PRSS58: variants seen among roughly 807,000 people sequenced by gnomAD.
PRSS58 encodes the protein serine protease 58.
Under a neutral mutation model 25.0 loss-of-function variants are expected in PRSS58, and 31 were observed. The observed-to-expected ratio is 1.24, with a 90% CI of 0.93 to 1.67. The LOEUF (loss-of-function observed/expected upper bound fraction) is 1.67. Ranked by LOEUF, PRSS58 falls within the 40% of genes most tolerant of loss-of-function variation. The pLI, the probability that PRSS58 is intolerant of heterozygous loss-of-function variation, is 0.00. For missense variants in PRSS58, 324 were observed against 287.9 expected (o/e 1.13, Z -0.91); for synonymous variants, 119 against 106.1 (o/e 1.12, Z -0.75).
chr7:142,255,041 T>G lies in PRSS58; in HGVS notation c.436+14A>C. The G allele has an allele frequency of 6.2e-7, 1 of 1,612,206 alleles. No individual in the cohort carries two copies. The highest frequency in any genetic ancestry group is 8.5e-7 in the Non-Finnish European group (1 of 1,178,642). ...ATGTCTAATTCTGAGAGAAGAACAT[T>G]GTCTTGAACTCACAGATATCACACA... On this transcript the variant is annotated intron_variant, in intron 4 of 5. Coordinates refer to ENST00000547058, the MANE Select transcript of PRSS58 (RefSeq NM_001001317.5).
At chr7:142,256,827 G>A (rs556310391) in intron 2 of PRSS58, among the ~76,000 whole-genome samples, 6 of 152,228 alleles carry the variant, frequency 3.9e-5, no homozygotes, top group South Asian at 2.1e-4. Flanking sequence ...ACATGAAAAC[G>A]GGGGAAGTTG....
chr7:142,255,245 A>C lies in PRSS58; in HGVS notation c.246T>G (p.Ile82Met). The change falls in exon 4 of 6, where the codon ATT (isoleucine) becomes ATG (methionine). Residue 82 changes from isoleucine to methionine, a missense_variant. Physicochemically the swap from Ile to Met is conservative, Grantham distance 10. Coordinates refer to ENST00000547058, the MANE Select transcript of PRSS58 (RefSeq NM_001001317.5). ...ADSNEKHLQV[I>M]GYEKMIHHPH... ...GATGATGAATCATCTTCTCATAGCC[A>C]ATCACTTGCAGATGCTTTTCATTAG... 6.2e-7 allele frequency: 1 copy of C among 1,613,912 alleles called. No individual in the cohort carries two copies. Among genetic ancestry groups the C allele is most frequent in the South Asian group, 1.1e-5 (1 of 91,078 alleles).
chr7:142,255,133 C>A lies in PRSS58; in HGVS notation c.358G>T (p.Ala120Ser). The change falls in exon 4 of 6, where the codon GCC becomes TCC. Residue 120 changes from alanine (A) to serine (S), a missense_variant. Transcript: ENST00000547058. ...EAELNDYVKL[A>S]NLPYQTISEN... is the part of the protein sequence containing the mutation. Reference sequence around the variant, plus strand: ...GAGATAGTTTGGTAGGGCAGGTTGGCTAATTTCACATAGTCATTGAGTTCA... The same window carrying A: ...GAGATAGTTTGGTAGGGCAGGTTGGATAATTTCACATAGTCATTGAGTTCA... 1 of 1,614,040 alleles carries A rather than the reference C, an allele frequency of 6.2e-7. No homozygotes were observed. Among genetic ancestry groups the A allele is most frequent in the Non-Finnish European group, 8.5e-7 (1 of 1,179,976 alleles).
In PRSS58 at chr7:142,252,551, C is replaced by CG; in HGVS notation, c.496dup (p.Arg166ProfsTer5). The CG allele has an allele frequency of 6.2e-7, 1 of 1,614,132 alleles. No homozygotes were observed. The highest frequency in any genetic ancestry group is 8.5e-7 in the Non-Finnish European group (1 of 1,180,010). ...GATGTTGTAGGTTTTATAGGCATCGCGACACTGAGGCTTGGAGATTACAGA... is the reference window on the plus strand; with the variant it reads ...GATGTTGTAGGTTTTATAGGCATCGCGGACACTGAGGCTTGGAGATTACAGA... On this transcript the variant is annotated frameshift_variant, in exon 5 of 6. Coordinates refer to ENST00000547058, the MANE Select transcript of PRSS58 (RefSeq NM_001001317.5). LOFTEE classifies it high-confidence loss of function.
chr7:142,253,553 C>T (rs150497020), intron 4 of PRSS58, among the ~76,000 whole-genome samples: 9 of 152,120 alleles, frequency 5.9e-5, no homozygotes, highest in Admixed American at 2.6e-4. Context: ...TTTCCACGGA[C>T]ATTTCTTTGG....
chr7:142,252,386 T>A lies in PRSS58; in HGVS notation c.577-16A>T. ...CAGAAACTTCCTGCCAGGAAAACAATAATAACAACAACAAAAAAGCAGATT... is the reference window on the plus strand; with the variant it reads ...CAGAAACTTCCTGCCAGGAAAACAAAAATAACAACAACAAAAAAGCAGATT... On this transcript the variant is annotated splice_polypyrimidine_tract_variant and intron_variant, in intron 5 of 5. Transcript: ENST00000547058. 1 of 1,611,064 alleles carries A rather than the reference T, an allele frequency of 6.2e-7. No individual in the cohort carries two copies. Among genetic ancestry groups the A allele is most frequent in the Non-Finnish European group, 8.5e-7 (1 of 1,179,188 alleles).
Position 142,257,649 on chromosome 7 carries a change from C to A in PRSS58, c.40+19G>T. On this transcript the variant is annotated intron_variant, in intron 2 of 5. Coordinates refer to ENST00000547058, the MANE Select transcript of PRSS58 (RefSeq NM_001001317.5). ...GATTTCTCTTTGGTGGGTAAAGAGA[C>A]AAATATGCACACACTCACCAGTCAG... is the stretch of plus-strand genomic sequence containing the variant. The A allele has an allele frequency of 6.2e-7, 1 of 1,603,932 alleles. No individual in the cohort carries two copies. Among genetic ancestry groups the A allele is most frequent in the Non-Finnish European group, 8.5e-7 (1 of 1,171,342 alleles).
rs1322703525 is a variant in PRSS58, at chr7:142,252,175, G to A, written c.*46C>T. Reference sequence around the variant, plus strand: ...TTAATTTATATTTAATTCTAAAGGTGAACGATGGGGACAAGCTGTGTCATA... The same window carrying A: ...TTAATTTATATTTAATTCTAAAGGTAAACGATGGGGACAAGCTGTGTCATA... On this transcript the variant is annotated 3_prime_UTR_variant, in exon 6 of 6. Coordinates refer to ENST00000547058, the MANE Select transcript of PRSS58 (RefSeq NM_001001317.5). 6.4e-7 allele frequency: 1 copy of A among 1,552,636 alleles called. No homozygotes were observed. The highest frequency in any genetic ancestry group is 1.2e-5 in the South Asian group (1 of 81,894).
Position 142,252,184 on chromosome 7 carries a change from G to A in PRSS58, c.*37C>T. On this transcript the variant is annotated 3_prime_UTR_variant, in exon 6 of 6. Transcript: ENST00000547058. The stretch of plus-strand genomic sequence containing the variant: ...ATTTAATTCTAAAGGTGAACGATGG[G>A]GACAAGCTGTGTCATATGGTCCACA... 3.8e-6 allele frequency: 6 copies of A among 1,578,624 alleles called. No homozygotes were observed. Among genetic ancestry groups the A allele is most frequent in the Non-Finnish European group, 5.2e-6 (6 of 1,162,390 alleles).
chr7:142,252,325 T>G lies in PRSS58; in HGVS notation c.622A>C (p.Ile208Leu). 2 of 1,614,148 alleles carry G rather than the reference T, an allele frequency of 1.2e-6. No individual in the cohort carries two copies. The highest frequency in any genetic ancestry group is 1.7e-6 in the Non-Finnish European group (2 of 1,180,024). The change falls in exon 6 of 6, where the codon ATC becomes CTC. Residue 208 changes from isoleucine to leucine, a missense_variant. Physicochemically the swap from Ile to Leu is conservative, Grantham distance 5. Transcript: ENST00000547058. ...PAICNGMLQG[I>L]LSFADGCVLR... Reference sequence around the variant, plus strand: ...ACACATCCATCCGCAAAAGACAGGATTCCTTGAAGCATCCCATTGCAGATT... The same window carrying G: ...ACACATCCATCCGCAAAAGACAGGAGTCCTTGAAGCATCCCATTGCAGATT...
In PRSS58 at chr7:142,252,472, C is replaced by A; in HGVS notation, c.576G>T (p.Lys192Asn). ...AATTAATGGATGAAGAGTATTTTAC[C>A]TTGCAGGGCTGCCTCCTTCCTGGCA... ...GIVPGRRQPC[K>N]EVSAAPAICN... Residue 192 changes from lysine (K) to asparagine (N), a missense_variant and splice_region_variant, in exon 5 of 6, where the codon AAG becomes AAT. Lys to Asn is a moderately conservative substitution (Grantham distance 94). Coordinates refer to ENST00000547058, the MANE Select transcript of PRSS58 (RefSeq NM_001001317.5). The A allele has an allele frequency of 6.2e-7, 1 of 1,613,414 alleles. No individual in the cohort carries two copies. Among genetic ancestry groups the A allele is most frequent in the Non-Finnish European group, 8.5e-7 (1 of 1,179,820 alleles).
chr7:142,254,414 G>C (rs1278978564), intron 4 of PRSS58, among the ~76,000 whole-genome samples: 1 of 152,156 alleles, frequency 6.6e-6, no homozygotes, highest in Non-Finnish European at 1.5e-5. Context: ...AGTTTAGATA[G>C]ACTATCTAGT....
intron 2 of PRSS58, among the ~76,000 whole-genome samples, chr7:142,257,020 G>T (rs1395102258): frequency 6.6e-6 from 1 of 152,156 alleles, no homozygotes; most frequent in Non-Finnish European, 1.5e-5. Flanking sequence ...TAAGAACTCG[G>T]CCTTGTTTCC....
chr7:142,257,545 A>T, intron 2 of PRSS58, 123 bp downstream of exon 2: 1 of 841,340 alleles, frequency 1.2e-6, no homozygotes. Context: ...GGGGCAGTGG[A>T]GAGGGACAGA....
intron 4 of PRSS58, among the ~76,000 whole-genome samples, chr7:142,253,933 A>T (rs1798511496): frequency 6.6e-6 from 1 of 152,196 alleles, no homozygotes; most frequent in African/African-American, 2.4e-5. Context: ...ATATTCAAGA[A>T]AATGTGCTCT....
chr7:142,253,395 G>C (rs1798500371), intron 4 of PRSS58, among the ~76,000 whole-genome samples: 2 of 152,106 alleles, frequency 1.3e-5, no homozygotes. Context: ...ATTTAAAACT[G>C]GATTTCCTGG....
intron 5 of PRSS58, 46 bp downstream of exon 5, chr7:142,252,426 A>G: frequency 6.2e-7 from 1 of 1,611,456 alleles, no homozygotes; most frequent in South Asian, 1.1e-5. Context: ...TTCTGGCAAG[A>G]CAGAAGGAAG....
intron 3 of PRSS58, 73 bp from the exon 4 acceptor site, chr7:142,255,384 C>A: frequency 1.9e-6 from 3 of 1,580,742 alleles, no homozygotes; most frequent in Non-Finnish European, 1.7e-6. Flanking sequence ...CTCTATTATC[C>A]CTCCCCACAG....
At chr7:142,257,833 G>A (rs35443843) in intron 1 of PRSS58, 85 bp from the exon 2 acceptor site, 198,279 of 755,076 alleles carry the variant, frequency 0.26, 27,436 homozygotes, top group South Asian at 0.3. Flanking sequence ...TATTTTAGTA[G>A]CAGGATTCAG....
Sources: gnomAD v4.1 joint callset for allele counts (sites outside exome capture counted in the v4.1 genomes callset) on GRCh38, gnomAD v4.1.1 for gene constraint, MANE v1.5 for transcripts, NCBI Gene and HGNC (gene_info 2026-07-23, HGNC 2026-07-21) for gene names.